Variants in COX15 observed in about 807,000 individuals in gnomAD.
COX15 encodes the protein heme A synthase COX15.
In COX15, 51 loss-of-function variants were observed where a neutral mutation model predicts 51.9. The ratio of observed to expected loss-of-function variants is 0.98; its 90% CI spans 0.78 to 1.24. The LOEUF (loss-of-function observed/expected upper bound fraction) is 1.24, where lower values mean the gene tolerates loss of function less well. Among genes scored for constraint, COX15 ranks in the 50% most tolerant of loss-of-function variants. The probability of loss-of-function intolerance (pLI) is 0.00; values close to 1 mark genes in which losing one functional copy is unlikely to be tolerated. For synonymous variants in COX15, 188 were observed against 190.5 expected (o/e 0.99, Z 0.11); for missense variants, 420 against 501.1 (o/e 0.84, Z 1.55).
intron 7 of COX15, among the ~76,000 whole-genome samples, chr10:99,717,065 C>T (rs2036602064): frequency 6.6e-6 from 1 of 152,168 alleles, no homozygotes; most frequent in African/African-American, 2.4e-5. Context: ...ATGACAATTT[C>T]AACCAGGCTT....
At chr10:99,699,259 G>A in the COX15 span, among the ~76,000 whole-genome samples, 1 of 152,174 alleles carries the variant, frequency 6.6e-6, no homozygotes, top group Non-Finnish European at 1.5e-5. Context: ...ATCACCCAGA[G>A]GGGCAAGCCC....
chr10:99,704,600 C>G, the COX15 span: 1 of 1,614,172 alleles, frequency 6.2e-7, no homozygotes, highest in African/African-American at 1.3e-5. Flanking sequence ...AATTCACCAC[C>G]GACAAACACG....
At chr10:99,694,484 C>T in the COX15 span, among the ~76,000 whole-genome samples, 1 of 151,276 alleles carries the variant, frequency 6.6e-6, no homozygotes, top group African/African-American at 2.4e-5. Flanking sequence ...CTATTATGCA[C>T]AGTGCTGCTG....
chr10:99,711,377 T>C lies in COX15; in HGVS notation c.*3210A>G. On this transcript the variant is annotated 3_prime_UTR_variant, in exon 9 of 9. Coordinates refer to ENST00000016171, the MANE Select transcript of COX15 (RefSeq NM_078470.6). ...CCTGGGTTTGAGGATCAGGAGAGGA[T>C]GGTGTGGGAACCTGCCTCAGGAACT... 1.0e-6 allele frequency: 1 copy of C among 985,412 alleles called. No homozygotes were observed. Among genetic ancestry groups the C allele is most frequent in the Non-Finnish European group, 1.2e-6 (1 of 829,916 alleles). The allele number at this position is 985,412 out of a possible 1,614,324, so 61.0% of individuals were successfully genotyped here. A position where few individuals can be genotyped will look rare whatever the true frequency, so the allele number is the denominator to read the frequency against.
chr10:99,723,667 C>T (rs1179214522), intron 5 of COX15, among the ~76,000 whole-genome samples: 2 of 152,172 alleles, frequency 1.3e-5, no homozygotes, highest in East Asian at 1.9e-4. Flanking sequence ...CCCCATTTAA[C>T]GAACAATATA....
chr10:99,702,707 C>T, the COX15 span: 1 of 1,559,546 alleles, frequency 6.4e-7, no homozygotes, highest in Non-Finnish European at 8.7e-7. Context: ...GTATCTTGAG[C>T]TCAGAGGATA....
Position 99,724,113 on chromosome 10 carries a change from C to T in COX15, c.593G>A (p.Gly198Glu). 6.2e-7 allele frequency: 1 copy of T among 1,614,136 alleles called. No individual in the cohort carries two copies. Among genetic ancestry groups the T allele is most frequent in the Non-Finnish European group, 8.5e-7 (1 of 1,180,022 alleles). The change falls in exon 5 of 9, where the codon GGA (glycine) becomes GAA (glutamate). Residue 198 changes from glycine (G) to glutamate (E), a missense_variant. Physicochemically the swap from Gly to Glu is moderately conservative, Grantham distance 98. Coordinates refer to ENST00000016171, the MANE Select transcript of COX15 (RefSeq NM_078470.6). ...TAGTCCACTTTTCACCATATACCAT[C>T]CCAACAGACCCTAGAACCCCCAAGA... Reference protein sequence around the residue: ...CGLVCFQGLLGWYMVKSGLEE... With the variant: ...CGLVCFQGLLEWYMVKSGLEE...
chr10:99,731,933 G>A (rs2231679), intron 1 of COX15, 27 bp downstream of exon 1: 2 of 1,594,946 alleles, frequency 1.3e-6, no homozygotes, highest in East Asian at 2.3e-5. Flanking sequence ...CCGCTCCCGC[G>A]ACTCGGAGTC....
rs762161255 is a variant in COX15 at position 99,714,593 on chromosome 10, T to G, written c.1227A>C (p.Pro409=). 7 of 1,614,018 alleles carry G rather than the reference T, an allele frequency of 4.3e-6. No individual in the cohort carries two copies. Among genetic ancestry groups the G allele is most frequent in the Non-Finnish European group, 3.4e-6 (4 of 1,180,018 alleles). ...GAGGCTGGTCCTCTAAGAATCATTT[T>G]GGGACTCTTCGGAGTTCATTCATCA... ...LWLMNELRRV[P]K The change falls in exon 9 of 9, where the codon CCA becomes CCC. Residue 409 remains proline (P), a synonymous_variant. Transcript: ENST00000016171.
rs1204333986 is a variant in COX15, at chr10:99,727,532, A to C, written c.304T>G (p.Trp102Gly). 4.3e-6 allele frequency: 7 copies of C among 1,613,768 alleles called. No individual in the cohort carries two copies. The highest frequency in any genetic ancestry group is 5.9e-6 in the Non-Finnish European group (7 of 1,180,044). ...LTESGLSMVD[W>G]HLIKEMKPPT... is the part of the protein sequence containing the mutation. The stretch of plus-strand genomic sequence containing the variant: ...GGCTTCATCTCCTTTATTAAATGCC[A>C]ATCTACCATCGAGAGGCCAGACTCT... Residue 102 changes from tryptophan to glycine, a missense_variant, in exon 3 of 9, where the codon TGG becomes GGG. Trp to Gly is a radical substitution (Grantham distance 184, BLOSUM62 -2). Coordinates refer to ENST00000016171, the MANE Select transcript of COX15 (RefSeq NM_078470.6).
chr10:99,714,473 C>G lies in COX15; in HGVS notation c.*114G>C, dbSNP rs2036503072. ...GGAAAAGATTTTTAAGTAAGTTGAC[C>G]ATTTGGAAACCACTTGGTATGTCAA... On this transcript the variant is annotated 3_prime_UTR_variant, in exon 9 of 9. Transcript: ENST00000016171. 1 of 1,574,840 alleles carries G rather than the reference C, an allele frequency of 6.3e-7. No homozygotes were observed. Among genetic ancestry groups the G allele is most frequent in the Non-Finnish European group, 8.6e-7 (1 of 1,163,630 alleles).
rs919027006 is a variant in COX15, at chr10:99,711,158, T to C, written c.*3429A>G. The C allele has an allele frequency of 3.0e-6, 3 of 985,088 alleles. No individual in the cohort carries two copies. Among genetic ancestry groups the C allele is most frequent in the African/African-American group, 1.7e-5 (1 of 57,226 alleles). 61.0% of individuals were successfully genotyped at this position (985,088 alleles called of 1,614,324 possible). ...AGCTCATAGATATAATACAGTTATATAGCTAAATGCAACCAGTTGTTTTTC... is the reference window on the plus strand; with the variant it reads ...AGCTCATAGATATAATACAGTTATACAGCTAAATGCAACCAGTTGTTTTTC... On this transcript the variant is annotated 3_prime_UTR_variant, in exon 9 of 9. Transcript: ENST00000016171.
Position 99,716,394 on chromosome 10 carries a change from C to T in COX15, c.1055G>A (p.Arg352Lys), listed in dbSNP as rs2036577475. ...FLSRRIPLPR[R>K]TKMAAVTLLA... ...CAGAGTCACTGCTGCCATCTTGGTC[C>T]TTCTAGGAAGGGGAATTCTCCGAGA... The change falls in exon 8 of 9, where the codon AGG becomes AAG. Residue 352 changes from arginine (R) to lysine (K), a missense_variant. Physicochemically the swap from Arg to Lys is conservative, Grantham distance 26 (BLOSUM62 2). Coordinates refer to ENST00000016171, the MANE Select transcript of COX15 (RefSeq NM_078470.6). 6.2e-7 allele frequency: 1 copy of T among 1,613,798 alleles called. No homozygotes were observed. The highest frequency in any genetic ancestry group is 1.3e-5 in the African/African-American group (1 of 74,860).
intron 8 of COX15, among the ~76,000 whole-genome samples, chr10:99,715,704 C>T (rs145581983): frequency 1.3e-4 from 20 of 151,020 alleles, no homozygotes; most frequent in African/African-American, 4.4e-4. Context: ...CTCATGCTCT[C>T]ACCAGGAATA....
chr10:99,724,127 G>C lies in COX15; in HGVS notation c.583-4C>G. On this transcript the variant is annotated splice_region_variant and splice_polypyrimidine_tract_variant and intron_variant, in intron 4 of 8. Transcript: ENST00000016171. The stretch of plus-strand genomic sequence containing the variant: ...CCATATACCATCCCAACAGACCCTA[G>C]AACCCCCAAGAGATGAAGCAAACAA... 6.2e-7 allele frequency: 1 copy of C among 1,613,952 alleles called. No individual in the cohort carries two copies. The highest frequency in any genetic ancestry group is 8.5e-7 in the Non-Finnish European group (1 of 1,179,962).
chr10:99,714,335 A>G lies in COX15; in HGVS notation c.*252T>C. ...AAGCCTGTTAAGCAGCAAATGGCAG[A>G]CATTTCTTTCTCTACATTAAAACTG... On this transcript the variant is annotated 3_prime_UTR_variant, in exon 9 of 9. Coordinates refer to ENST00000016171, the MANE Select transcript of COX15 (RefSeq NM_078470.6). 7.8e-7 allele frequency: 1 copy of G among 1,279,608 alleles called. No individual in the cohort carries two copies. The allele number at this position is 1,279,608 out of a possible 1,614,324, so 79.3% of individuals were successfully genotyped here.
chr10:99,725,253 G>A (rs1429817964), intron 4 of COX15, among the ~76,000 whole-genome samples: 2 of 152,086 alleles, frequency 1.3e-5, no homozygotes, highest in African/African-American at 4.8e-5. Flanking sequence ...ATCTTTTTGG[G>A]CATTTCTCTC....
chr10:99,719,789 C>T (rs1248073347), intron 6 of COX15, among the ~76,000 whole-genome samples: 1 of 152,208 alleles, frequency 6.6e-6, no homozygotes. Context: ...CCATGCCCAA[C>T]CCACTCCATA....
chr10:99,721,985 TCCC>T (rs1361277358), intron 5 of COX15, among the ~76,000 whole-genome samples: 1 of 152,086 alleles, frequency 6.6e-6, no homozygotes, highest in Non-Finnish European at 1.5e-5. Context: ...TGCCTCAGCC[TCCC>T]AAGTAGCTGG....
Sources: allele counts gnomAD v4.1 joint callset (sites outside exome capture counted in the v4.1 genomes callset), GRCh38; gene constraint gnomAD v4.1.1; transcripts MANE v1.5; gene names NCBI Gene and HGNC (gene_info 2026-07-23, HGNC 2026-07-21).